Variants in CELF2 observed in about 807,000 individuals in gnomAD.
The protein encoded by CELF2 is CUGBP Elav-like family member 2, also known as CUG triplet repeat RNA-binding protein 2.
CELF2 carries 8 observed loss-of-function variants against 62.6 expected under a neutral mutation model. The ratio of observed to expected loss-of-function variants is 0.13; its 90% confidence interval spans 0.07 to 0.23. CELF2 has a LOEUF of 0.23. Among genes scored for constraint, CELF2 ranks in the 10% least tolerant of loss-of-function variants. The pLI, the probability that CELF2 is intolerant of heterozygous loss-of-function variation, is 1.00. For missense variants in CELF2, 333 were observed against 671.0 expected, an observed-to-expected ratio of 0.50 and a Z score of 5.56; for synonymous variants, 258 against 250.0, an observed-to-expected ratio of 1.03 and a Z score of -0.30.
chr10:11,142,600 C>T lies in CELF2; in HGVS notation c.75-22886C>T, dbSNP rs1327269534. Among the ~76,000 whole-genome samples the T allele has an allele frequency of 2.7e-5, 4 of 147,938 alleles. No homozygotes were observed. In the East Asian group the frequency reaches 6.1e-4, roughly 22 times the overall value. On this transcript the variant is annotated intron_variant, in intron 1 of 12. Transcript: ENST00000633077. The stretch of plus-strand genomic sequence containing the variant: ...TCGGGAGGCTGAGGCAGGAGAATGG[C>T]GTGAACCCGGGAGGTAGGGCTTGCA...
rs1564627484 is a variant in CELF2, at chr10:11,075,074, T to G, written c.74+56911T>G. ...CTTTCGATTCTCTTGTTTCCTCTTG[T>G]CACTATGGGAAAATGCTGCTCTGTC... is the stretch of plus-strand genomic sequence containing the variant. On this transcript the variant is annotated intron_variant, in intron 1 of 12. Coordinates refer to ENST00000633077, the MANE Select transcript of CELF2 (RefSeq NM_001326342.2). This position sits in a 1 kb window ranked among gnomAD's most constrained non-coding sequence, Gnocchi z 5.4. The G allele has an allele frequency of 6.6e-6, 1 of 152,216 alleles. No individual in the cohort carries two copies. Among genetic ancestry groups the G allele is most frequent in the Non-Finnish European group, 1.5e-5 (1 of 68,054 alleles). The allele number at this position is 152,216 out of a possible 1,614,324, so 9.4% of individuals were successfully genotyped here. A position where few individuals can be genotyped will look rare whatever the true frequency, so the allele number is the denominator to read the frequency against.
At chr10:11,202,777 C>G (rs1048271472) in intron 2 of CELF2, among the ~76,000 whole-genome samples, 2 of 152,062 alleles carry the variant, frequency 1.3e-5, no homozygotes, top group Non-Finnish European at 2.9e-5. Flanking sequence ...CATTTGTTAT[C>G]TGCACAATTA....
the CELF2 span, among the ~76,000 whole-genome samples, chr10:10,631,114 G>A: frequency 2.0e-5 from 3 of 152,078 alleles, no homozygotes; most frequent in Middle Eastern, 3.2e-3. Flanking sequence ...CAAACGTACT[G>A]ATCATGTTTT....
intron 1 of CELF2, among the ~76,000 whole-genome samples, chr10:10,802,708 G>A (rs1338727929): frequency 6.6e-6 from 1 of 152,126 alleles, no homozygotes; most frequent in Non-Finnish European, 1.5e-5. Flanking sequence ...GGGAATAGAT[G>A]AATTGACTAA....
At chr10:10,701,623 G>GGTTGTT in the CELF2 span, among the ~76,000 whole-genome samples, 1 of 152,204 alleles carries the variant, frequency 6.6e-6, no homozygotes, top group African/African-American at 2.4e-5. Flanking sequence ...ACTATAACCA[G>GGTTGTT]GTTGTTGTTG....
At chr10:10,596,180 A>C in the CELF2 span, among the ~76,000 whole-genome samples, 1 of 152,022 alleles carries the variant, frequency 6.6e-6, no homozygotes, top group East Asian at 1.9e-4. Context: ...TGTAGTGGGT[A>C]CTGAGATGAA....
the CELF2 span, among the ~76,000 whole-genome samples, chr10:10,570,781 T>C: frequency 6.6e-6 from 1 of 151,984 alleles, no homozygotes; most frequent in African/African-American, 2.4e-5. Flanking sequence ...AGTTAGGAGA[T>C]GTTGAAGATA....
rs2075097441 is a variant in CELF2 at position 11,244,738 on chromosome 10, G to A, written c.355-4415G>A. On this transcript the variant is annotated intron_variant, in intron 3 of 12. Transcript: ENST00000633077. The surrounding 1 kb of genome is among the most constrained non-coding windows in gnomAD (Gnocchi z 4.2). Reference sequence around the variant, plus strand: ...GTTAGGATATCGTATCATTGTTCTTGATCAACAGTAGGGCCTATTTTCTCT... The same window carrying A: ...GTTAGGATATCGTATCATTGTTCTTAATCAACAGTAGGGCCTATTTTCTCT... Among the ~76,000 whole-genome samples, 1 of 151,328 alleles carries A rather than the reference G, an allele frequency of 6.6e-6. No individual in the cohort carries two copies. Among genetic ancestry groups the A allele is most frequent in the African/African-American group, 2.4e-5 (1 of 41,246 alleles).
rs1339731602 is a variant in CELF2 at position 11,324,794 on chromosome 10, C to T, written c.1295-1042C>T. ...CTTCCCACATCTAGGGACCCCAGTG[C>T]AGCTATCCCCTGGGGTTGCCTAGTT... On this transcript the variant is annotated intron_variant, in intron 11 of 12. Coordinates refer to ENST00000633077, the MANE Select transcript of CELF2 (RefSeq NM_001326342.2). The surrounding 1 kb of genome is among the most constrained non-coding windows in gnomAD (Gnocchi z 4.7). Among the ~76,000 whole-genome samples, 1 of 152,180 alleles carries T rather than the reference C, an allele frequency of 6.6e-6. No homozygotes were observed. Among genetic ancestry groups the T allele is most frequent in the African/African-American group, 2.4e-5 (1 of 41,444 alleles).
At chr10:10,776,942 C>A in the CELF2 span, among the ~76,000 whole-genome samples, 1 of 152,252 alleles carries the variant, frequency 6.6e-6, no homozygotes, top group Non-Finnish European at 1.5e-5. Context: ...ATTCTCTTCA[C>A]GTCTTGGCTA....
At chr10:11,181,190 A>G (rs1271776248) in intron 2 of CELF2, among the ~76,000 whole-genome samples, 1 of 152,116 alleles carries the variant, frequency 6.6e-6, no homozygotes, top group Non-Finnish European at 1.5e-5. Flanking sequence ...ATTTAAACCT[A>G]AATATTTTGT....
chr10:10,966,091 C>T (rs2050095224), intron 2 of CELF2, among the ~76,000 whole-genome samples: 1 of 152,200 alleles, frequency 6.6e-6, no homozygotes. Context: ...AAGTGGGGTA[C>T]CCAGATAGGA....
chr10:11,154,688 T>A (rs1448256029), intron 1 of CELF2, among the ~76,000 whole-genome samples: 2 of 152,256 alleles, frequency 1.3e-5, no homozygotes, highest in African/African-American at 4.8e-5. Flanking sequence ...GTCATCTCTT[T>A]GGGGCATTTT....
intron 2 of CELF2, among the ~76,000 whole-genome samples, chr10:11,198,268 A>T (rs552677171): frequency 9.8e-5 from 15 of 152,338 alleles, no homozygotes; most frequent in African/African-American, 3.4e-4. Flanking sequence ...TGCTGTCCTT[A>T]ATATGGGAGC....
chr10:10,777,800 C>T, the CELF2 span, among the ~76,000 whole-genome samples: 4 of 152,216 alleles, frequency 2.6e-5, no homozygotes, highest in African/African-American at 9.6e-5. Context: ...ATGATCTGGC[C>T]GTTACCTACC....
chr10:10,964,058 T>C (rs1358352100), intron 2 of CELF2, among the ~76,000 whole-genome samples: 2 of 152,184 alleles, frequency 1.3e-5, no homozygotes, highest in African/African-American at 2.4e-5. Flanking sequence ...AGATATTATA[T>C]TAGTACAATA....
At chr10:11,168,980 T>C (rs1479478923) in intron 2 of CELF2, 2 of 152,234 alleles carry the variant, frequency 1.3e-5, no homozygotes, top group Non-Finnish European at 2.9e-5. Context: ...TGGTGAGCAA[T>C]ACCACAGAGA....
chr10:10,964,425 A>G (rs768395311), intron 2 of CELF2, among the ~76,000 whole-genome samples: 2 of 152,234 alleles, frequency 1.3e-5, no homozygotes, highest in Admixed American at 6.5e-5. Context: ...CGTGCCTTCA[A>G]AAAGGTAATT....
intron 9 of CELF2, among the ~76,000 whole-genome samples, chr10:11,308,391 G>C (rs73583242): frequency 6.6e-6 from 1 of 152,156 alleles, no homozygotes; most frequent in East Asian, 1.9e-4. Context: ...ATGTGTGTGA[G>C]TGTGCTTAAT....
Sources: allele counts gnomAD v4.1 joint callset (sites outside exome capture counted in the v4.1 genomes callset), GRCh38; gene constraint gnomAD v4.1.1; non-coding constraint Gnocchi (gnomAD v3.1); transcripts MANE v1.5; gene names NCBI Gene and HGNC (gene_info 2026-07-23, HGNC 2026-07-21).